Variants in NCKAP5 observed in about 807,000 individuals in gnomAD.
NCKAP5 encodes the protein nck-associated protein 5.
NCKAP5 carries 92 observed loss-of-function variants against 167.0 expected under a neutral mutation model. The ratio of observed to expected loss-of-function variants is 0.55; its 90% CI spans 0.47 to 0.66. The LOEUF (loss-of-function observed/expected upper bound fraction) is 0.66, where lower values mean the gene tolerates loss of function less well. Ranked by LOEUF, NCKAP5 falls within the 30% of genes least tolerant of loss-of-function variation. The pLI, the probability that NCKAP5 is intolerant of heterozygous loss-of-function variation, is 0.00. For synonymous variants in NCKAP5, 891 were observed against 877.4 expected, an observed-to-expected ratio of 1.02 and a Z score of -0.27; for missense variants, 2,378 against 2,315.0, an observed-to-expected ratio of 1.03 and a Z score of -0.56.
intron 19 of NCKAP5, among the ~76,000 whole-genome samples, chr2:132,725,151 C>A (rs72987794): frequency 3.7e-4 from 57 of 152,270 alleles, no homozygotes; most frequent in African/African-American, 1.3e-3. Context: ...TTTTCTACTG[C>A]CAATTCTGGC....
chr2:133,643,904 C>T, the NCKAP5 span, among the ~76,000 whole-genome samples: 1 of 152,252 alleles, frequency 6.6e-6, no homozygotes, highest in Non-Finnish European at 1.5e-5. Context: ...CTTCCCAATT[C>T]CCCCGCCCTG....
intron 3 of NCKAP5, among the ~76,000 whole-genome samples, chr2:133,346,012 C>A (rs1683952075): frequency 6.6e-6 from 1 of 152,128 alleles, no homozygotes; most frequent in African/African-American, 2.4e-5. Flanking sequence ...CAGGACTGAA[C>A]CTGAAAGTTT....
chr2:133,605,335 G>A, the NCKAP5 span, among the ~76,000 whole-genome samples: 2 of 152,200 alleles, frequency 1.3e-5, no homozygotes, highest in Non-Finnish European at 2.9e-5. Flanking sequence ...TGGGTGAGGG[G>A]AGGTAGGGAT....
the NCKAP5 span, among the ~76,000 whole-genome samples, chr2:133,613,620 C>A: frequency 6.6e-6 from 1 of 152,200 alleles, no homozygotes; most frequent in Non-Finnish European, 1.5e-5. Flanking sequence ...AACCATAGCT[C>A]TCCTGCCGCT....
intron 5 of NCKAP5, among the ~76,000 whole-genome samples, chr2:133,197,980 G>A (rs1035252697): frequency 2.6e-5 from 4 of 151,926 alleles, no homozygotes; most frequent in Non-Finnish European, 2.9e-5. Flanking sequence ...TTGAAAAAGC[G>A]GAAAGATAGA....
chr2:132,958,016 T>C (rs1054623765), intron 8 of NCKAP5, among the ~76,000 whole-genome samples: 3 of 152,156 alleles, frequency 2.0e-5, no homozygotes, highest in Admixed American at 6.5e-5. Flanking sequence ...TTCTGAAGGC[T>C]CCTATGTATA....
chr2:133,118,749 A>G (rs2082161240), intron 6 of NCKAP5: 1 of 152,190 alleles, frequency 6.6e-6, no homozygotes, highest in Non-Finnish European at 1.5e-5. Flanking sequence ...CCAAGCCAAC[A>G]GCAAAGGGAA....
chr2:133,549,969 C>G (rs1161839972), intron 2 of NCKAP5, among the ~76,000 whole-genome samples: 1 of 148,318 alleles, frequency 6.7e-6, no homozygotes, highest in Non-Finnish European at 1.5e-5. Context: ...CTACAAACAC[C>G]TCTACGCAAA....
At chr2:133,349,903 T>G (rs768236180) in intron 3 of NCKAP5, among the ~76,000 whole-genome samples, 2 of 152,218 alleles carry the variant, frequency 1.3e-5, no homozygotes, top group Non-Finnish European at 2.9e-5. Flanking sequence ...CAGGGTAAAC[T>G]TAATTATATT....
chr2:133,522,713 A>G (rs1167121760), intron 2 of NCKAP5, among the ~76,000 whole-genome samples: 1 of 152,208 alleles, frequency 6.6e-6, no homozygotes, highest in African/African-American at 2.4e-5. Flanking sequence ...TACAAGAGTG[A>G]GGTTGCTTTT....
chr2:133,432,658 A>G (rs1294388355), intron 3 of NCKAP5, among the ~76,000 whole-genome samples: 1 of 151,942 alleles, frequency 6.6e-6, no homozygotes, highest in Admixed American at 6.6e-5. Flanking sequence ...CTACTCTAAT[A>G]CTCCTGCAAG....
intron 16 of NCKAP5, among the ~76,000 whole-genome samples, chr2:132,733,959 C>A (rs1691269232): frequency 2.6e-5 from 4 of 152,140 alleles, no homozygotes. Context: ...ACTCTTTTCT[C>A]CACTATGGTG....
chr2:133,540,129 C>T (rs937334807), intron 2 of NCKAP5, among the ~76,000 whole-genome samples: 13 of 151,548 alleles, frequency 8.6e-5, no homozygotes, highest in African/African-American at 2.2e-4. Flanking sequence ...TGCAGTGAGC[C>T]GAGATCACAC....
At chr2:133,363,296 T>C (rs989394564) in intron 3 of NCKAP5, among the ~76,000 whole-genome samples, 3 of 152,196 alleles carry the variant, frequency 2.0e-5, no homozygotes, top group African/African-American at 7.2e-5. Flanking sequence ...TTTTTGTAAA[T>C]AAATGTTGGA....
At position 132,722,281 on chromosome 2, in the gene NCKAP5, C is replaced by T. The variant is rs140678657; in HGVS notation, c.5713+3346G>A. 1.6e-3 allele frequency among the ~76,000 whole-genome samples: 251 copies of T among 152,284 alleles called. 1 individual carries two copies. The highest frequency in any genetic ancestry group is 5.8e-3 in the African/African-American group (242 of 41,548). On this transcript the variant is annotated intron_variant, in intron 19 of 19. Transcript: ENST00000409261. Reference sequence around the variant, plus strand: ...TTTTCAGGACACTTAGACCATCCTCCCCCTCCATTCCTACTTCTCCTGTCT... The same window carrying T: ...TTTTCAGGACACTTAGACCATCCTCTCCCTCCATTCCTACTTCTCCTGTCT...
At chr2:133,411,590 T>C (rs1688778240) in intron 3 of NCKAP5, among the ~76,000 whole-genome samples, 1 of 151,944 alleles carries the variant, frequency 6.6e-6, no homozygotes, top group Admixed American at 6.6e-5. Context: ...CAGAGTAAAA[T>C]TGGGAACAGG....
At chr2:133,100,806 T>G (rs2081488155) in intron 6 of NCKAP5, among the ~76,000 whole-genome samples, 1 of 152,238 alleles carries the variant, frequency 6.6e-6, no homozygotes, top group Admixed American at 6.5e-5. Context: ...ACAATGGTTT[T>G]CCCAGTACAG....
intron 16 of NCKAP5, among the ~76,000 whole-genome samples, chr2:132,751,493 T>C (rs761059974): frequency 8.5e-5 from 13 of 152,212 alleles, no homozygotes; most frequent in Non-Finnish European, 1.2e-4. Flanking sequence ...TTGTATTCCA[T>C]ATGCCTGCAG....
At chr2:132,800,287 TA>T (rs1684924358) in intron 11 of NCKAP5, among the ~76,000 whole-genome samples, 1 of 152,186 alleles carries the variant, frequency 6.6e-6, no homozygotes, top group African/African-American at 2.4e-5. Flanking sequence ...TTCATCTGAA[TA>T]AAATCTCATC....
Sources: gnomAD v4.1 joint callset for allele counts (sites outside exome capture counted in the v4.1 genomes callset) on GRCh38, gnomAD v4.1.1 for gene constraint, MANE v1.5 for transcripts, NCBI Gene and HGNC (gene_info 2026-07-23, HGNC 2026-07-21) for gene names.